The following ARHGEF26 variants were observed in gnomAD, a reference collection of about 807,000 sequenced individuals.
ARHGEF26 encodes Rho guanine nucleotide exchange factor (GEF) 26.
ARHGEF26 carries 59 observed loss-of-function variants against 89.4 expected under a neutral mutation model. That is an observed-to-expected ratio of 0.66 (90% CI 0.54 to 0.82). The LOEUF is 0.82. Among genes scored for constraint, ARHGEF26 ranks in the 40% least tolerant of loss-of-function variants. ARHGEF26 has a pLI of 0.00. For synonymous variants in ARHGEF26, 500 were observed against 428.4 expected (o/e 1.17, Z -2.06); for missense variants, 1,234 against 1,085.6 (o/e 1.14, Z -1.92).
chr3:154,168,704 T>C (rs1224575968), intron 6 of ARHGEF26, among the ~76,000 whole-genome samples: 2 of 152,342 alleles, frequency 1.3e-5, no homozygotes, highest in East Asian at 3.9e-4. Context: ...TGTATTATAT[T>C]AGTTGTCTTG....
chr3:154,198,327 T>TA (rs1294778198), intron 9 of ARHGEF26, among the ~76,000 whole-genome samples: 1 of 152,116 alleles, frequency 6.6e-6, no homozygotes, highest in Non-Finnish European at 1.5e-5. Flanking sequence ...GGAGATTCCT[T>TA]AAAGAACTAA....
intron 4 of ARHGEF26, among the ~76,000 whole-genome samples, chr3:154,146,129 G>A (rs867390312): frequency 2.0e-5 from 3 of 152,302 alleles, no homozygotes; most frequent in Middle Eastern, 3.4e-3. Flanking sequence ...TATTGGAGGC[G>A]GGAAAGTCCA....
chr3:154,250,910 T>C (rs959423604), intron 12 of ARHGEF26, among the ~76,000 whole-genome samples: 1 of 152,250 alleles, frequency 6.6e-6, no homozygotes, highest in Non-Finnish European at 1.5e-5. Context: ...TTACATGAAG[T>C]TGTGCTTTGC....
At chr3:154,135,147 A>G (rs563732487) in intron 4 of ARHGEF26, among the ~76,000 whole-genome samples, 198 of 152,234 alleles carry the variant, frequency 1.3e-3, no homozygotes, top group African/African-American at 4.6e-3. Context: ...TAGTTTCAGT[A>G]GGAATGGTAC....
Position 154,255,369 on chromosome 3 carries a change from G to A in ARHGEF26, c.2512G>A (p.Gly838Ser), listed in dbSNP as rs771658975. 8 of 1,613,678 alleles carry A rather than the reference G, an allele frequency of 5.0e-6. No individual in the cohort carries two copies. Among genetic ancestry groups the A allele is most frequent in the Non-Finnish European group, 6.8e-6 (8 of 1,179,836 alleles). ...EGERLRDGERGWFPMECAKEI... is the reference protein window; with the variant it reads ...EGERLRDGERSWFPMECAKEI... The stretch of plus-strand genomic sequence containing the variant: ...GGAACGACTACGAGATGGAGAAAGA[G>A]GCTGGTTTCCTATGGAATGTGCCAA... Residue 838 changes from glycine (G) to serine (S), a missense_variant, in exon 15 of 15, where the codon GGC becomes AGC. Gly to Ser is a moderately conservative substitution (Grantham distance 56). Transcript: ENST00000465093.
At chr3:154,187,334 C>T (rs1311420326) in intron 6 of ARHGEF26, among the ~76,000 whole-genome samples, 1 of 150,852 alleles carries the variant, frequency 6.6e-6, no homozygotes, top group Non-Finnish European at 1.5e-5. Flanking sequence ...TACCTGAAGG[C>T]AGAGCAGATC....
At chr3:154,169,655 G>A (rs1387071573) in intron 6 of ARHGEF26, among the ~76,000 whole-genome samples, 2 of 152,174 alleles carry the variant, frequency 1.3e-5, no homozygotes, top group African/African-American at 4.8e-5. Context: ...TTCTAGTGCT[G>A]TACTGCTGTT....
chr3:154,186,654 C>G (rs1486076177), intron 6 of ARHGEF26, among the ~76,000 whole-genome samples: 3 of 151,624 alleles, frequency 2.0e-5, no homozygotes, highest in Admixed American at 2.0e-4. Flanking sequence ...CCCAGCTACT[C>G]AGGAGGCTGA....
intron 6 of ARHGEF26, among the ~76,000 whole-genome samples, chr3:154,161,817 C>G (rs1391742239): frequency 1.3e-5 from 2 of 152,088 alleles, no homozygotes; most frequent in African/African-American, 4.8e-5. Context: ...TTTTTTCCAA[C>G]CAGCCTGGTG....
rs192091015 is a variant in ARHGEF26, at chr3:154,156,400, A to G, written c.1487+3468A>G. Among the ~76,000 whole-genome samples, 8 of 152,238 alleles carry G rather than the reference A, an allele frequency of 5.3e-5. No homozygotes were observed. In the East Asian group the frequency reaches 7.7e-4, roughly 15 times the overall value. ...TGTCTATTTTTTATTTAAAAAAGAAAACAGATACTTTTCATCCTCCATTAA... is the reference window on the plus strand; with the variant it reads ...TGTCTATTTTTTATTTAAAAAAGAAGACAGATACTTTTCATCCTCCATTAA... On this transcript the variant is annotated intron_variant, in intron 6 of 14. Coordinates refer to ENST00000465093, the MANE Select transcript of ARHGEF26 (RefSeq NM_015595.4).
At position 154,253,104 on chromosome 3, in the gene ARHGEF26, CCT is replaced by C. The variant is rs747752680; in HGVS notation, c.2301-9_2301-8del. ...CCTTGAGTCTCTCAGTTGGATCTGC[CCT>C]CTGTTTTAGGAGCGAGCGAGCCCGC... On this transcript the variant is annotated splice_polypyrimidine_tract_variant and intron_variant, in intron 12 of 14. Coordinates refer to ENST00000465093, the MANE Select transcript of ARHGEF26 (RefSeq NM_015595.4). 12 of 1,613,836 alleles carry C rather than the reference CCT, an allele frequency of 7.4e-6. No homozygotes were observed. The highest frequency in any genetic ancestry group is 1.1e-5 in the South Asian group (1 of 91,068).
intron 6 of ARHGEF26, among the ~76,000 whole-genome samples, chr3:154,181,856 A>G (rs907328046): frequency 1.3e-5 from 2 of 152,154 alleles, no homozygotes; most frequent in Non-Finnish European, 2.9e-5. Context: ...GACTGACCCA[A>G]TTTGTGGGCA....
At chr3:154,244,809 G>T (rs1375694044) in intron 12 of ARHGEF26, among the ~76,000 whole-genome samples, 12 of 151,986 alleles carry the variant, frequency 7.9e-5, no homozygotes, top group Non-Finnish European at 1.5e-5. Context: ...GCCAAAGCTG[G>T]AACTAGAATC....
chr3:154,228,435 CCTTT>C (rs1027525534), intron 11 of ARHGEF26, among the ~76,000 whole-genome samples: 1 of 138,780 alleles, frequency 7.2e-6, no homozygotes, highest in Non-Finnish European at 1.6e-5. Context: ...CCGCACCTGG[CCTTT>C]TTTTTTTTTT....
At chr3:154,205,669 G>T (rs1190559317) in intron 9 of ARHGEF26, among the ~76,000 whole-genome samples, 1 of 151,670 alleles carries the variant, frequency 6.6e-6, no homozygotes, top group South Asian at 2.1e-4. Context: ...TGTGTTTAAG[G>T]TTATCATGAG....
chr3:154,234,020 T>C (rs1423246869), intron 11 of ARHGEF26, among the ~76,000 whole-genome samples: 1 of 152,274 alleles, frequency 6.6e-6, no homozygotes, highest in Non-Finnish European at 1.5e-5. Context: ...ATATCAATGA[T>C]GTGATAAATC....
At chr3:154,232,139 G>A (rs1036488472) in intron 11 of ARHGEF26, among the ~76,000 whole-genome samples, 3 of 152,084 alleles carry the variant, frequency 2.0e-5, no homozygotes, top group African/African-American at 7.2e-5. Context: ...CTTCAGAAAG[G>A]TGGTGACAGC....
chr3:154,121,227 C>T (rs1717868879), upstream of ARHGEF26: 1 of 152,290 alleles, frequency 6.6e-6, no homozygotes, highest in Non-Finnish European at 1.5e-5. Flanking sequence ...AGCTCAGAAC[C>T]CAGCTCAGGT....
At chr3:154,210,707 C>T (rs56916293) in intron 9 of ARHGEF26, among the ~76,000 whole-genome samples, 132,664 of 151,218 alleles carry the variant, frequency 0.88, 58,297 homozygotes, top group East Asian at 1. Context: ...ATTGAGAGGC[C>T]GAGGCAGGCG....
Sources: gnomAD v4.1 joint callset for allele counts (sites outside exome capture counted in the v4.1 genomes callset) on GRCh38, gnomAD v4.1.1 for gene constraint, MANE v1.5 for transcripts, NCBI Gene and HGNC (gene_info 2026-07-23, HGNC 2026-07-21) for gene names.